The following GRID2 variants were observed in gnomAD, a reference collection of about 807,000 sequenced individuals.
GRID2 encodes the protein glutamate ionotropic receptor delta type subunit 2, also known as glutamate receptor ionotropic, delta-2.
A neutral mutation model predicts 114.8 loss-of-function variants in GRID2; 33 were observed. The ratio of observed to expected loss-of-function variants is 0.29; its 90% CI spans 0.22 to 0.38. GRID2 has a LOEUF of 0.38. Among genes scored for constraint, GRID2 ranks in the 10% least tolerant of loss-of-function variants. The probability of loss-of-function intolerance (pLI) is 1.00; values close to 1 mark genes in which losing one functional copy is unlikely to be tolerated. For synonymous variants in GRID2, 505 were observed against 449.9 expected (o/e 1.12, Z -1.55); for missense variants, 1,184 against 1,257.7 (o/e 0.94, Z 0.89).
Position 93,608,951 on chromosome 4 carries a change from CTCCACA to C in GRID2, c.2194-17314_2194-17309del, listed in dbSNP as rs1740636457. Among the ~76,000 whole-genome samples the C allele has an allele frequency of 1.6e-5, 2 of 125,454 alleles. 1 individual carries two copies. Among genetic ancestry groups the C allele is most frequent in the African/African-American group, 6.1e-5 (2 of 32,920 alleles). The allele number at this position is 125,454 out of a possible 152,430, so 82.3% of individuals were successfully genotyped here. The stretch of plus-strand genomic sequence containing the variant: ...CAACAGTGTCAAAGTGTTCCTATTT[CTCCACA>C]TCCTCTCCAGCACCTGTTGTTTCCT... On this transcript the variant is annotated intron_variant, in intron 13 of 15. Transcript: ENST00000282020.
intron 6 of GRID2, among the ~76,000 whole-genome samples, chr4:93,220,740 T>C (rs145703684): frequency 8.9e-4 from 136 of 152,288 alleles, no homozygotes; most frequent in South Asian, 5.0e-3. Flanking sequence ...CAGATGAATA[T>C]TCAAACTGCA....
At chr4:93,635,652 C>G (rs1300566066) in intron 14 of GRID2, among the ~76,000 whole-genome samples, 1 of 151,876 alleles carries the variant, frequency 6.6e-6, no homozygotes, top group Non-Finnish European at 1.5e-5. Flanking sequence ...AAGCTTTTGT[C>G]TATCATTCTT....
intron 14 of GRID2, among the ~76,000 whole-genome samples, chr4:93,631,664 C>T (rs1720903561): frequency 6.6e-6 from 1 of 152,062 alleles, no homozygotes; most frequent in African/African-American, 2.4e-5. Flanking sequence ...TGAATAGTGC[C>T]ACAATAAATA....
At chr4:93,770,867 T>A (rs1734053317) in intron 15 of GRID2, among the ~76,000 whole-genome samples, 1 of 152,178 alleles carries the variant, frequency 6.6e-6, no homozygotes, top group Admixed American at 6.5e-5. Context: ...GTGGGAACCA[T>A]AAAATTATAT....
rs1371355 is a variant in GRID2 at position 93,800,083 on chromosome 4, C to T, written c.222-6632C>T. On this transcript the variant is annotated intron_variant, in intron 1 of 1. Coordinates refer to the GRID2 transcript ENST00000637838. ...ATGTAGAGTAGGAGTTGGTCTAATA[C>T]CTAACCTACCAAATTCCTATGTAAT... is the stretch of plus-strand genomic sequence containing the variant. Among the ~76,000 whole-genome samples the T allele has an allele frequency of 2.6e-5, 4 of 152,274 alleles. No individual in the cohort carries two copies. In the East Asian group the frequency reaches 7.7e-4, roughly 29 times the overall value.
At chr4:93,233,338 T>A (rs554299564) in intron 7 of GRID2, among the ~76,000 whole-genome samples, 4,068 of 149,316 alleles carry the variant, frequency 0.027, 191 homozygotes, top group African/African-American at 0.095. Flanking sequence ...TATTATTATT[T>A]TTTTTTTTAT....
intron 1 of GRID2, among the ~76,000 whole-genome samples, chr4:92,306,929 T>C (rs1238115847): frequency 6.6e-6 from 1 of 152,192 alleles, no homozygotes; most frequent in Non-Finnish European, 1.5e-5. Context: ...GATGAGATAA[T>C]TAGCTGTTTT....
At chr4:92,509,845 T>C (rs1724154368) in intron 1 of GRID2, among the ~76,000 whole-genome samples, 1 of 151,862 alleles carries the variant, frequency 6.6e-6, no homozygotes, top group Non-Finnish European at 1.5e-5. Context: ...TGTTGCCAGA[T>C]CATACTTTAA....
At chr4:92,695,042 C>A (rs112309899) in intron 2 of GRID2, among the ~76,000 whole-genome samples, 11,435 of 152,186 alleles carry the variant, frequency 0.075, 461 homozygotes, top group East Asian at 0.088. Flanking sequence ...TCTCGGCTCA[C>A]TGCAACCCCT....
intron 2 of GRID2, among the ~76,000 whole-genome samples, chr4:92,730,895 G>A (rs1736299263): frequency 6.6e-6 from 1 of 151,898 alleles, no homozygotes; most frequent in African/African-American, 2.4e-5. Flanking sequence ...ATTGCACTGA[G>A]TAAAAAGGTG....
chr4:92,412,363 T>A (rs1442633138), intron 1 of GRID2, among the ~76,000 whole-genome samples: 1 of 152,162 alleles, frequency 6.6e-6, no homozygotes, highest in South Asian at 2.1e-4. Flanking sequence ...GCAATACACA[T>A]TGTAAAAATC....
chr4:93,636,311 G>A (rs1486349058), intron 14 of GRID2, among the ~76,000 whole-genome samples: 1 of 151,970 alleles, frequency 6.6e-6, no homozygotes, highest in Non-Finnish European at 1.5e-5. Flanking sequence ...GAAACCCATT[G>A]GTTTACAAAA....
intron 2 of GRID2, among the ~76,000 whole-genome samples, chr4:92,908,183 T>G (rs1560689590): frequency 1.3e-5 from 2 of 152,184 alleles, no homozygotes; most frequent in Non-Finnish European, 2.9e-5. Context: ...TAATCTGATT[T>G]TGTTAATAGT....
chr4:93,797,842 GAAAAA>G (rs10536515), intron 1 of GRID2, among the ~76,000 whole-genome samples: 6 of 128,080 alleles, frequency 4.7e-5, no homozygotes, highest in Non-Finnish European at 4.9e-5. Context: ...TCCCCAGGAT[GAAAAA>G]AAAAAAAAAA....
At chr4:92,698,095 G>T (rs1008711235) in intron 2 of GRID2, among the ~76,000 whole-genome samples, 2 of 152,252 alleles carry the variant, frequency 1.3e-5, no homozygotes, top group Admixed American at 1.3e-4. Context: ...GAGCTATTGT[G>T]CACGACAGAG....
intron 14 of GRID2, among the ~76,000 whole-genome samples, chr4:93,653,816 T>C (rs991797465): frequency 6.6e-6 from 1 of 152,120 alleles, no homozygotes; most frequent in Admixed American, 6.6e-5. Flanking sequence ...AGTCAGCGTG[T>C]CTGATTTTCT....
At chr4:92,982,378 G>A (rs766538109) in intron 2 of GRID2, among the ~76,000 whole-genome samples, 3 of 151,938 alleles carry the variant, frequency 2.0e-5, no homozygotes, top group South Asian at 2.1e-4. Flanking sequence ...GTTGAGGTAC[G>A]TTCAGATTAA....
chr4:92,498,932 A>T (rs1159216828), intron 1 of GRID2, among the ~76,000 whole-genome samples: 1 of 77,452 alleles, frequency 1.3e-5, no homozygotes, highest in East Asian at 3.9e-4. Context: ...TTTAGGTAAA[A>T]AAAAAAAAAA....
chr4:93,089,450 A>G (rs1039391121), intron 3 of GRID2, among the ~76,000 whole-genome samples: 7 of 152,180 alleles, frequency 4.6e-5, no homozygotes, highest in Admixed American at 4.6e-4. Context: ...CAAAAGTAGA[A>G]ATATTGCAAC....
Sources: gnomAD v4.1 joint callset for allele counts (sites outside exome capture counted in the v4.1 genomes callset) on GRCh38, gnomAD v4.1.1 for gene constraint, MANE v1.5 for transcripts, NCBI Gene and HGNC (gene_info 2026-07-23, HGNC 2026-07-21) for gene names.